The following RBM25 variants were observed in gnomAD, a reference collection of about 807,000 sequenced individuals.
The protein encoded by RBM25 is RNA-binding protein 25.
RBM25 carries 19 observed loss-of-function variants against 120.7 expected under a neutral mutation model. That is an observed-to-expected ratio of 0.16 (90% CI 0.11 to 0.23). The LOEUF (loss-of-function observed/expected upper bound fraction) is 0.23, where lower values mean the gene tolerates loss of function less well. Ranked by LOEUF, RBM25 falls within the 10% of genes least tolerant of loss-of-function variation. The probability of loss-of-function intolerance (pLI) is 1.00; values close to 1 mark genes in which losing one functional copy is unlikely to be tolerated. For missense variants in RBM25, 605 were observed against 1,041.5 expected, an observed-to-expected ratio of 0.58 and a Z score of 5.77; for synonymous variants, 390 against 326.7, an observed-to-expected ratio of 1.19 and a Z score of -2.09.
At chr14:73,107,518 T>C (rs947027991) in intron 12 of RBM25, 3 of 258,834 alleles carry the variant, frequency 1.2e-5, no homozygotes, top group Non-Finnish European at 2.2e-5. Flanking sequence ...AATTAGAAAA[T>C]ATTTTCTCTA....
Position 73,121,260 on chromosome 14 carries a change from C to T in RBM25, c.*1455C>T, listed in dbSNP as rs886471163. The T allele has an allele frequency of 3.3e-5, 5 of 152,168 alleles. No homozygotes were observed. Among genetic ancestry groups the T allele is most frequent in the Non-Finnish European group, 7.4e-5 (5 of 67,972 alleles). 9.4% of individuals were successfully genotyped at this position (152,168 alleles called of 1,614,324 possible). On this transcript the variant is annotated 3_prime_UTR_variant, in exon 19 of 19. Transcript: ENST00000261973. ...AAAACACTGTTCTTACCCTCGAACC[C>T]TGATGTGGTTCCATTATGTAAATAT...
At chr14:73,103,783 G>A (rs1322938348) in intron 10 of RBM25, among the ~76,000 whole-genome samples, 1 of 151,934 alleles carries the variant, frequency 6.6e-6, no homozygotes, top group Non-Finnish European at 1.5e-5. Context: ...TGAACTCCTG[G>A]CCTCAAGTGA....
Position 73,060,314 on chromosome 14 carries a change from C to T in RBM25, c.-16+1609C>T, listed in dbSNP as rs1465429930. The stretch of plus-strand genomic sequence containing the variant: ...GGCCCCAAAGCGCTGGGATTACAGG[C>T]GTGAGCCACCGTGCCCGGCCTTCTG... On this transcript the variant is annotated intron_variant, in intron 1 of 18. Transcript: ENST00000261973. Among the ~76,000 whole-genome samples, 4 of 151,466 alleles carry T rather than the reference C, an allele frequency of 2.6e-5. 1 individual carries two copies. The highest frequency in any genetic ancestry group is 7.3e-5 in the African/African-American group (3 of 41,364).
In RBM25 at chr14:73,066,448, C is replaced by T. The variant is rs529875449; in HGVS notation, c.-15-5179C>T. Among the ~76,000 whole-genome samples, 283 of 152,164 alleles carry T rather than the reference C, an allele frequency of 1.9e-3. 1 individual carries two copies. Among genetic ancestry groups the T allele is most frequent in the Non-Finnish European group, 3.3e-3 (224 of 68,012 alleles). On this transcript the variant is annotated intron_variant, in intron 1 of 18. Coordinates refer to ENST00000261973, the MANE Select transcript of RBM25 (RefSeq NM_021239.3). ...GCCAGGAGTTTGAGACCAGCCTGGC[C>T]ATACATGGTGAAACCCCGTCTCTAC...
chr14:73,115,726 G>A (rs362416), intron 18 of RBM25, among the ~76,000 whole-genome samples: 12,950 of 152,228 alleles, frequency 0.085, 660 homozygotes, highest in Middle Eastern at 0.21. Flanking sequence ...CTCCAAGTTA[G>A]GAAGAGAAGA....
At chr14:73,117,613 C>T (rs1339722482) in intron 18 of RBM25, among the ~76,000 whole-genome samples, 1 of 152,158 alleles carries the variant, frequency 6.6e-6, no homozygotes, top group Non-Finnish European at 1.5e-5. Context: ...TTTTAATTCC[C>T]ACTTAGTACC....
chr14:73,099,045 T>C (rs987425309), intron 7 of RBM25, among the ~76,000 whole-genome samples: 11 of 152,300 alleles, frequency 7.2e-5, no homozygotes, highest in African/African-American at 2.6e-4. Flanking sequence ...CATATTTGTT[T>C]GATGTGGATT....
chr14:73,095,119 G>T (rs909414885), intron 6 of RBM25, among the ~76,000 whole-genome samples: 1 of 151,926 alleles, frequency 6.6e-6, no homozygotes, highest in Non-Finnish European at 1.5e-5. Context: ...CTCCCAAAGC[G>T]CTGGGTTGCA....
At chr14:73,072,042 C>T (rs190366171) in intron 2 of RBM25, among the ~76,000 whole-genome samples, 5 of 151,824 alleles carry the variant, frequency 3.3e-5, no homozygotes, top group Admixed American at 3.3e-4. Context: ...GCACGATCTC[C>T]GCTCACTGCA....
At chr14:73,076,395 T>C (rs1429983214) in intron 3 of RBM25, 27 bp downstream of exon 3, 19 of 1,582,600 alleles carry the variant, frequency 1.2e-5, no homozygotes, top group Non-Finnish European at 1.6e-5. Context: ...GGAGGAATCA[T>C]GAGTTATGGT....
chr14:73,119,262 C>G (rs1407189065), intron 18 of RBM25, among the ~76,000 whole-genome samples: 1 of 151,918 alleles, frequency 6.6e-6, no homozygotes, highest in Admixed American at 6.6e-5. Flanking sequence ...AACCTTAAAA[C>G]TTTTTTGTTT....
At position 73,111,620 on chromosome 14, in the gene RBM25, G is replaced by A; in HGVS notation, c.2110G>A (p.Asp704Asn). ...VFNKFEDEDSDDVPRKRKLVP... is the reference protein window; with the variant it reads ...VFNKFEDEDSNDVPRKRKLVP... ...TAACAAATTTGAGGATGAAGACAGTGATGACGTACCCCGAAAAAGGAAACT... is the reference window on the plus strand; with the variant it reads ...TAACAAATTTGAGGATGAAGACAGTAATGACGTACCCCGAAAAAGGAAACT... Residue 704 changes from aspartate to asparagine, a missense_variant, in exon 16 of 19, where the codon GAT becomes AAT. Transcript: ENST00000261973. 1 of 1,614,176 alleles carries A rather than the reference G, an allele frequency of 6.2e-7. No individual in the cohort carries two copies. The highest frequency in any genetic ancestry group is 8.5e-7 in the Non-Finnish European group (1 of 1,180,018).
intron 6 of RBM25, among the ~76,000 whole-genome samples, chr14:73,095,221 A>C (rs748894357): frequency 1.3e-5 from 2 of 152,052 alleles, no homozygotes; most frequent in Non-Finnish European, 2.9e-5. Flanking sequence ...CCCATCTGTT[A>C]CTCTGTAGTG....
intron 18 of RBM25, among the ~76,000 whole-genome samples, chr14:73,114,758 G>A (rs1471509304): frequency 1.3e-5 from 2 of 152,124 alleles, no homozygotes; most frequent in Non-Finnish European, 2.9e-5. Flanking sequence ...GCTGTGCGTG[G>A]TGGCGTGTGC....
Position 73,119,855 on chromosome 14 carries a change from T to G in RBM25, c.*50T>G. The G allele has an allele frequency of 6.4e-7, 1 of 1,559,666 alleles. No homozygotes were observed. The highest frequency in any genetic ancestry group is 8.6e-7 in the Non-Finnish European group (1 of 1,163,828). On this transcript the variant is annotated 3_prime_UTR_variant, in exon 19 of 19. Transcript: ENST00000261973. Reference sequence around the variant, plus strand: ...TTCAGATTTCTTCTTTGCCACCCTTTTAAGGACTTTGAATTTTTCTTTGTC... The same window carrying G: ...TTCAGATTTCTTCTTTGCCACCCTTGTAAGGACTTTGAATTTTTCTTTGTC...
intron 1 of RBM25, among the ~76,000 whole-genome samples, chr14:73,067,138 C>G (rs1005648921): frequency 6.7e-6 from 1 of 148,290 alleles, no homozygotes; most frequent in African/African-American, 2.5e-5. Context: ...GGCACCGTCT[C>G]GGCTCACTGC....
intron 6 of RBM25, among the ~76,000 whole-genome samples, chr14:73,089,529 A>G (rs1895762711): frequency 6.6e-6 from 1 of 151,458 alleles, no homozygotes; most frequent in African/African-American, 2.4e-5. Context: ...AAATTTTTGT[A>G]TTTTTAGTAG....
chr14:73,123,165 G>A lies in RBM25; in HGVS notation c.*3360G>A, dbSNP rs916232816. 1.8e-4 allele frequency: 28 copies of A among 151,718 alleles called. No individual in the cohort carries two copies. Among genetic ancestry groups the A allele is most frequent in the Admixed American group, 5.9e-4 (9 of 15,182 alleles). The allele number at this position is 151,718 out of a possible 1,614,324, so 9.4% of individuals were successfully genotyped here. On this transcript the variant is annotated 3_prime_UTR_variant, in exon 19 of 19. Transcript: ENST00000261973. ...TAAGCTAATGATTATTTTGTGAAGCGTGCTGTTTCAGGTATTAATCTGCCA... is the reference window on the plus strand; with the variant it reads ...TAAGCTAATGATTATTTTGTGAAGCATGCTGTTTCAGGTATTAATCTGCCA...
At chr14:73,059,861 A>G (rs929598716) in intron 1 of RBM25, among the ~76,000 whole-genome samples, 16 of 152,136 alleles carry the variant, frequency 1.1e-4, no homozygotes, top group African/African-American at 3.9e-4. Context: ...AAATGAATTT[A>G]TAGTAGTATC....
Sources: allele counts gnomAD v4.1 joint callset (sites outside exome capture counted in the v4.1 genomes callset), GRCh38; gene constraint gnomAD v4.1.1; transcripts MANE v1.5; gene names NCBI Gene and HGNC (gene_info 2026-07-23, HGNC 2026-07-21).